Variants in MYO5C observed in about 807,000 individuals in gnomAD.
MYO5C encodes unconventional myosin-Vc.
A neutral mutation model predicts 235.7 loss-of-function variants in MYO5C; 194 were observed. The observed-to-expected ratio is 0.82, with a 90% CI of 0.73 to 0.93. MYO5C has a LOEUF of 0.93. MYO5C is among the 40% of genes least tolerant of loss of function. MYO5C has a pLI of 0.00. For missense variants in MYO5C, 2,038 were observed against 2,127.2 expected, an observed-to-expected ratio of 0.96 and a Z score of 0.82; for synonymous variants, 707 against 754.8, an observed-to-expected ratio of 0.94 and a Z score of 1.04.
Position 52,277,289 on chromosome 15 carries a change from T to C in MYO5C, c.450-1571A>G, listed in dbSNP as rs1019032026. 5 of 515,780 alleles carry C rather than the reference T, an allele frequency of 9.7e-6. No homozygotes were observed. In the African/African-American group the frequency reaches 9.9e-5, roughly 10 times the overall value. 32.0% of individuals were successfully genotyped at this position (515,780 alleles called of 1,614,324 possible). ...GACAGACCTCCAAGGAGAAACTGGC[T>C]CTTTAGGGCTGAAGTGAGCACAGCC... On this transcript the variant is annotated intron_variant, in intron 4 of 40. Coordinates refer to ENST00000261839, the MANE Select transcript of MYO5C (RefSeq NM_018728.4).
intron 29 of MYO5C, among the ~76,000 whole-genome samples, chr15:52,223,199 T>C (rs957397772): frequency 7.9e-5 from 12 of 151,302 alleles, no homozygotes; most frequent in Admixed American, 5.3e-4. Flanking sequence ...GGACTGGCCT[T>C]CTGACACACT....
intron 33 of MYO5C, among the ~76,000 whole-genome samples, chr15:52,214,352 G>A (rs71472930): frequency 0.15 from 22,966 of 152,184 alleles, 2,174 homozygotes; most frequent in Admixed American, 0.28. Context: ...AGCTAACAGA[G>A]GAAGAGGTTA....
chr15:52,193,757 TGA>T lies in MYO5C; in HGVS notation c.*143_*144del. 1 of 776,358 alleles carries T rather than the reference TGA, an allele frequency of 1.3e-6. No individual in the cohort carries two copies. The highest frequency in any genetic ancestry group is 2.0e-6 in the Non-Finnish European group (1 of 488,964). The allele number at this position is 776,358 out of a possible 1,614,324, so 48.1% of individuals were successfully genotyped here. ...ACAGGAGCAGCATTGTCACTGTGAG[TGA>T]GAGATGATGTGGTCCATTTGAGAAA... On this transcript the variant is annotated 3_prime_UTR_variant, in exon 41 of 41. Transcript: ENST00000261839.
intron 35 of MYO5C, among the ~76,000 whole-genome samples, chr15:52,209,758 G>T (rs2035403257): frequency 6.6e-6 from 1 of 152,090 alleles, no homozygotes; most frequent in Non-Finnish European, 1.5e-5. Flanking sequence ...ATTTATGGGA[G>T]CCCCTTCCAA....
At chr15:52,256,513 C>T (rs368470730) in intron 11 of MYO5C, 126 bp downstream of exon 11, 3 of 650,462 alleles carry the variant, frequency 4.6e-6, no homozygotes, top group Non-Finnish European at 8.2e-6. Context: ...CGTGAGGCTC[C>T]TTGCATAAAA....
At chr15:52,273,732 T>C (rs2036976933) in intron 5 of MYO5C, among the ~76,000 whole-genome samples, 1 of 152,178 alleles carries the variant, frequency 6.6e-6, no homozygotes, top group Admixed American at 6.5e-5. Context: ...AGCCACCTGG[T>C]CAATGACACT....
At chr15:52,253,176 A>T (rs1359982652) in intron 12 of MYO5C, 141 bp downstream of exon 12, 3 of 884,962 alleles carry the variant, frequency 3.4e-6, no homozygotes, top group Non-Finnish European at 3.4e-6. Context: ...CCTGCTGTGG[A>T]TGCTGTCCCA....
At position 52,279,652 on chromosome 15, in the gene MYO5C, G is replaced by A; in HGVS notation, c.161C>T (p.Pro54Leu). Reference sequence around the variant, plus strand: ...ATTCCGAAGTGGAGGCAGAGATTCTGGATTGACAGAATAATCCAGCTCCTA... The same window carrying A: ...ATTCCGAAGTGGAGGCAGAGATTCTAGATTGACAGAATAATCCAGCTCCTA... ...DGTELDYSVN[P>L]ESLPPLRNPD... The change falls in exon 3 of 41, where the codon CCA (proline) becomes CTA (leucine). Residue 54 changes from proline to leucine, a missense_variant. Pro to Leu is a moderately conservative substitution (Grantham distance 98). Coordinates refer to ENST00000261839, the MANE Select transcript of MYO5C (RefSeq NM_018728.4). 6.2e-7 allele frequency: 1 copy of A among 1,613,286 alleles called. No homozygotes were observed. Among genetic ancestry groups the A allele is most frequent in the Non-Finnish European group, 8.5e-7 (1 of 1,179,248 alleles).
Position 52,237,654 on chromosome 15 carries a change from A to T in MYO5C, c.2704-8T>A. On this transcript the variant is annotated splice_polypyrimidine_tract_variant and splice_region_variant and intron_variant, in intron 21 of 40. Coordinates refer to ENST00000261839, the MANE Select transcript of MYO5C (RefSeq NM_018728.4). ...CCCATGGTTTTCTTTGTTCTAGAGAAAAGAAAATTCAGATGTTTAGAGGTT... is the reference window on the plus strand; with the variant it reads ...CCCATGGTTTTCTTTGTTCTAGAGATAAGAAAATTCAGATGTTTAGAGGTT... The T allele has an allele frequency of 6.2e-7, 1 of 1,603,328 alleles. No individual in the cohort carries two copies. Among genetic ancestry groups the T allele is most frequent in the African/African-American group, 1.3e-5 (1 of 74,228 alleles).
chr15:52,211,691 G>A (rs757800028), intron 35 of MYO5C, 39 bp downstream of exon 35: 8 of 1,598,936 alleles, frequency 5.0e-6, no homozygotes, highest in African/African-American at 1.3e-5. Flanking sequence ...CATTCCCATA[G>A]ATGTGATACC....
At chr15:52,262,624 C>T (rs928022752) in intron 9 of MYO5C, among the ~76,000 whole-genome samples, 5 of 152,254 alleles carry the variant, frequency 3.3e-5, no homozygotes, top group African/African-American at 4.8e-5. Context: ...ATGGGATGGA[C>T]GCTGAGGTGA....
At chr15:52,288,267 A>G (rs2037318526) in intron 1 of MYO5C, among the ~76,000 whole-genome samples, 1 of 152,238 alleles carries the variant, frequency 6.6e-6, no homozygotes, top group South Asian at 2.1e-4. Flanking sequence ...AGTTAAGCGA[A>G]TCTGGCCCTG....
chr15:52,282,699 G>T, intron 2 of MYO5C, 83 bp downstream of exon 2: 1 of 980,016 alleles, frequency 1.0e-6, no homozygotes, highest in Non-Finnish European at 1.6e-6. Flanking sequence ...TGCCTCCCAC[G>T]GGGTCCACGT....
intron 4 of MYO5C, 37 bp downstream of exon 4, chr15:52,278,836 G>GC: frequency 6.2e-7 from 1 of 1,609,290 alleles, no homozygotes; most frequent in South Asian, 1.1e-5. Flanking sequence ...GGGAGCATTG[G>GC]CAGAGCAAGG....
intron 2 of MYO5C, among the ~76,000 whole-genome samples, 169 bp downstream of exon 2, chr15:52,282,613 G>GATCAGT (rs1468661866): frequency 1.3e-5 from 2 of 152,224 alleles, no homozygotes; most frequent in Non-Finnish European, 2.9e-5. Flanking sequence ...AAGGAGTACA[G>GATCAGT]ACACATCAGT....
chr15:52,225,235 C>T, intron 26 of MYO5C, 97 bp from the exon 27 acceptor site: 1 of 1,346,558 alleles, frequency 7.4e-7, no homozygotes, highest in Non-Finnish European at 1.0e-6. Flanking sequence ...TTCACAGTCT[C>T]CAGCTAAATA....
At chr15:52,254,831 G>T (rs999727012) in intron 11 of MYO5C, among the ~76,000 whole-genome samples, 12 of 152,254 alleles carry the variant, frequency 7.9e-5, no homozygotes, top group Admixed American at 1.3e-4. Context: ...TTGCAGCCAG[G>T]GAACAGGGTA....
chr15:52,261,790 G>A (rs1820498703), intron 9 of MYO5C, among the ~76,000 whole-genome samples: 1 of 152,232 alleles, frequency 6.6e-6, no homozygotes, highest in East Asian at 1.9e-4. Context: ...TTCAGCCAGT[G>A]TGGACAAAGG....
Position 52,295,700 on chromosome 15 carries a change from C to T in MYO5C, c.-64G>A. The T allele has an allele frequency of 8.4e-7, 1 of 1,194,306 alleles. No individual in the cohort carries two copies. The allele number at this position is 1,194,306 out of a possible 1,614,324, so 74.0% of individuals were successfully genotyped here. On this transcript the variant is annotated 5_prime_UTR_variant, in exon 1 of 41. Transcript: ENST00000261839. Reference sequence around the variant, plus strand: ...GTGCGAGGCTCGGGGGCTGGGCCTGCGCCGCAGAGGCCGGGCGCAGGAGAG... The same window carrying T: ...GTGCGAGGCTCGGGGGCTGGGCCTGTGCCGCAGAGGCCGGGCGCAGGAGAG...
Sources: allele counts gnomAD v4.1 joint callset (sites outside exome capture counted in the v4.1 genomes callset), GRCh38; gene constraint gnomAD v4.1.1; transcripts MANE v1.5; gene names NCBI Gene and HGNC (gene_info 2026-07-23, HGNC 2026-07-21).